The following EML6 variants were observed in gnomAD, a reference collection of about 807,000 sequenced individuals.
The protein encoded by EML6 is EMAP like 6, also known as echinoderm microtubule-associated protein-like 6.
Under a neutral mutation model 240.1 loss-of-function variants are expected in EML6, and 154 were observed. The ratio of observed to expected loss-of-function variants is 0.64; its 90% CI spans 0.56 to 0.73. The LOEUF is 0.73. Among genes scored for constraint, EML6 ranks in the 30% least tolerant of loss-of-function variants. The pLI, the probability that EML6 is intolerant of heterozygous loss-of-function variation, is 0.00. For synonymous variants in EML6, 1,148 were observed against 899.0 expected, an observed-to-expected ratio of 1.28 and a Z score of -4.95; for missense variants, 2,964 against 2,474.6, an observed-to-expected ratio of 1.20 and a Z score of -4.20.
chr2:54,897,122 T>C (rs1427352404), intron 21 of EML6, among the ~76,000 whole-genome samples: 1 of 152,230 alleles, frequency 6.6e-6, no homozygotes. Flanking sequence ...TGTTTGAGAA[T>C]GTAAATTGTT....
intron 20 of EML6, 70 bp from the exon 21 acceptor site, chr2:54,895,203 T>C (rs1573092535): frequency 2.6e-5 from 39 of 1,509,222 alleles, no homozygotes; most frequent in Non-Finnish European, 3.2e-5. Context: ...TTTGGAGCTA[T>C]AAAAATTGAA....
At chr2:54,797,618 T>C (rs984838868) in intron 2 of EML6, among the ~76,000 whole-genome samples, 3 of 94,726 alleles carry the variant, frequency 3.2e-5, no homozygotes, top group African/African-American at 9.2e-5. Flanking sequence ...AGAAAACTTC[T>C]TTATTGTAAA....
intron 26 of EML6, among the ~76,000 whole-genome samples, chr2:54,923,093 C>T (rs1246273284): frequency 2.0e-5 from 3 of 151,820 alleles, no homozygotes; most frequent in Non-Finnish European, 4.4e-5. Context: ...AGGCATGTGG[C>T]ACTATGCCTG....
At chr2:54,871,631 G>A (rs1390467991) in intron 16 of EML6, 26 bp downstream of exon 16, 4 of 1,465,624 alleles carry the variant, frequency 2.7e-6, no homozygotes, top group Admixed American at 2.0e-5. Context: ...ATTGACACAT[G>A]GTTCTACGTT....
At chr2:54,933,070 C>T (rs1304657827) in intron 28 of EML6, among the ~76,000 whole-genome samples, 2 of 152,044 alleles carry the variant, frequency 1.3e-5, no homozygotes, top group Non-Finnish European at 2.9e-5. Flanking sequence ...AGTTCTTCTT[C>T]CTCTGGGTTA....
chr2:54,913,622 T>G (rs1673757737), intron 25 of EML6, among the ~76,000 whole-genome samples: 1 of 152,224 alleles, frequency 6.6e-6, no homozygotes, highest in South Asian at 2.1e-4. Context: ...TGTCGATATT[T>G]TCTTTTGCTA....
In EML6 at chr2:54,931,273, G is replaced by A. The variant is rs190569622; in HGVS notation, c.4004+2522G>A. On this transcript the variant is annotated intron_variant, in intron 28 of 41. Coordinates refer to ENST00000356458, the MANE Select transcript of EML6 (RefSeq NM_001039753.4). The stretch of plus-strand genomic sequence containing the variant: ...CGCCCGGCGACCGTAGGCATCTTCT[G>A]GACCACAAAATAGAACATTGCCAGG... Among the ~76,000 whole-genome samples the A allele has an allele frequency of 1.5e-3, 232 of 152,212 alleles. 2 individuals are homozygous for A. The highest frequency in any genetic ancestry group is 3.7e-3 in the South Asian group (18 of 4,820).
intron 2 of EML6, among the ~76,000 whole-genome samples, chr2:54,801,273 C>G (rs753067916): frequency 5.3e-5 from 8 of 151,134 alleles, no homozygotes; most frequent in Non-Finnish European, 1.0e-4. Flanking sequence ...CGAGATCTCA[C>G]CACTGCATTC....
At chr2:54,735,687 T>C (rs568793520) in intron 2 of EML6, among the ~76,000 whole-genome samples, 1 of 152,380 alleles carries the variant, frequency 6.6e-6, no homozygotes, top group East Asian at 1.9e-4. Context: ...TTTGAATGTT[T>C]GTGCTTAAGG....
chr2:54,894,838 G>T (rs574437292), intron 19 of EML6, 77 bp from the exon 20 acceptor site: 36 of 892,310 alleles, frequency 4.0e-5, no homozygotes, highest in Non-Finnish European at 6.0e-5. Flanking sequence ...CCTTACCTGC[G>T]GGGAATCCTC....
At chr2:54,936,703 TCC>T (rs1430515195) in intron 28 of EML6, among the ~76,000 whole-genome samples, 1 of 152,202 alleles carries the variant, frequency 6.6e-6, no homozygotes, top group Non-Finnish European at 1.5e-5. Context: ...TGACTGTCTA[TCC>T]AGGGATGAAT....
intron 2 of EML6, among the ~76,000 whole-genome samples, chr2:54,805,173 A>G (rs558028005): frequency 6.6e-6 from 1 of 152,288 alleles, no homozygotes; most frequent in African/African-American, 2.4e-5. Context: ...GGCTGAGAAC[A>G]ATTCCATTGC....
intron 31 of EML6, among the ~76,000 whole-genome samples, chr2:54,953,514 C>T (rs913544442): frequency 1.3e-5 from 2 of 152,126 alleles, no homozygotes; most frequent in East Asian, 1.9e-4. Flanking sequence ...AGCAAATTTC[C>T]TCTAGTCTTT....
chr2:54,771,562 C>T (rs1027776721), intron 2 of EML6, among the ~76,000 whole-genome samples: 13 of 152,224 alleles, frequency 8.5e-5, no homozygotes, highest in Non-Finnish European at 1.3e-4. Flanking sequence ...TCTTTGAAAA[C>T]GAATGCTGCT....
At chr2:54,840,276 A>G (rs1410181144) in intron 7 of EML6, among the ~76,000 whole-genome samples, 1 of 139,190 alleles carries the variant, frequency 7.2e-6, no homozygotes, top group African/African-American at 2.4e-5. Context: ...ACCTGCCTGG[A>G]AAAGGGCCGT....
intron 28 of EML6, 34 bp from the exon 29 acceptor site, chr2:54,948,848 A>G (rs1057040053): frequency 2.5e-5 from 38 of 1,526,350 alleles, no homozygotes; most frequent in Middle Eastern, 3.4e-4. Context: ...CCCTTGTTCA[A>G]TGCTGTGCTT....
At chr2:54,843,067 G>A (rs987657944) in intron 7 of EML6, among the ~76,000 whole-genome samples, 4 of 152,102 alleles carry the variant, frequency 2.6e-5, no homozygotes, top group South Asian at 2.1e-4. Context: ...TGTCACCCAC[G>A]TATAATTTTA....
intron 2 of EML6, among the ~76,000 whole-genome samples, chr2:54,790,748 C>G (rs534641271): frequency 2.4e-4 from 28 of 115,048 alleles, no homozygotes; most frequent in African/African-American, 8.4e-4. Context: ...TTTTTTGAGA[C>G]GGAGTTACGC....
At position 54,843,591 on chromosome 2, in the gene EML6, A is replaced by G. The variant is rs560035057; in HGVS notation, c.848-456A>G. 2.6e-5 allele frequency among the ~76,000 whole-genome samples: 4 copies of G among 152,028 alleles called. No homozygotes were observed. The South Asian group carries it at 6.3e-4, about 24-fold the overall frequency. On this transcript the variant is annotated intron_variant, in intron 7 of 41. Transcript: ENST00000356458. Reference sequence around the variant, plus strand: ...TGGGCGTGGTGGCTCATGCCTGTAAACCCAGCACTTTGGGAGTCCGAGGCG... The same window carrying G: ...TGGGCGTGGTGGCTCATGCCTGTAAGCCCAGCACTTTGGGAGTCCGAGGCG...
Sources: allele counts gnomAD v4.1 joint callset (sites outside exome capture counted in the v4.1 genomes callset), GRCh38; gene constraint gnomAD v4.1.1; transcripts MANE v1.5; gene names NCBI Gene and HGNC (gene_info 2026-07-23, HGNC 2026-07-21).